The following CHRM5 variants were observed in gnomAD, a reference collection of about 807,000 sequenced individuals.
CHRM5 encodes cholinergic receptor muscarinic 5.
CHRM5 carries 18 observed loss-of-function variants against 39.0 expected under a neutral mutation model. The observed-to-expected ratio is 0.46, with a 90% CI of 0.32 to 0.68. The LOEUF (loss-of-function observed/expected upper bound fraction) is 0.68. Ranked by LOEUF, CHRM5 falls within the 30% of genes least tolerant of loss-of-function variation. CHRM5 has a pLI of 0.04. For missense variants in CHRM5, 515 were observed against 651.1 expected, an observed-to-expected ratio of 0.79 and a Z score of 2.28; for synonymous variants, 241 against 246.3, an observed-to-expected ratio of 0.98 and a Z score of 0.20.
chr15:33,985,138 G>A (rs1196882409), intron 1 of CHRM5, among the ~76,000 whole-genome samples: 2 of 152,016 alleles, frequency 1.3e-5, no homozygotes, highest in African/African-American at 4.8e-5. Context: ...TAACTATGCA[G>A]GGTCTGAGAT....
Position 34,064,486 on chromosome 15 carries a change from C to T in CHRM5, c.*170C>T. 1 of 749,334 alleles carries T rather than the reference C, an allele frequency of 1.3e-6. No homozygotes were observed. The highest frequency in any genetic ancestry group is 2.0e-5 in the South Asian group (1 of 50,680). The allele number at this position is 749,334 out of a possible 1,614,324, so 46.4% of individuals were successfully genotyped here. ...TGCCAAATGGAAGGGGCCATAGCTGCAGCAATTGCTGACATATTAAATGAC... is the reference window on the plus strand; with the variant it reads ...TGCCAAATGGAAGGGGCCATAGCTGTAGCAATTGCTGACATATTAAATGAC... On this transcript the variant is annotated 3_prime_UTR_variant, in exon 3 of 3. Transcript: ENST00000383263.
At chr15:33,999,948 G>A (rs572775357) in intron 1 of CHRM5, among the ~76,000 whole-genome samples, 25 of 152,250 alleles carry the variant, frequency 1.6e-4, no homozygotes, top group African/African-American at 5.5e-4. Context: ...AATACTACGC[G>A]ATCTGGCTGG....
At chr15:34,059,927 C>A (rs1250894932) in intron 2 of CHRM5, among the ~76,000 whole-genome samples, 2 of 152,086 alleles carry the variant, frequency 1.3e-5, no homozygotes, top group African/African-American at 4.8e-5. Flanking sequence ...TCCATGGTAT[C>A]GCCAGCATTA....
intron 2 of CHRM5, among the ~76,000 whole-genome samples, chr15:34,049,108 A>C (rs1277986097): frequency 1.3e-5 from 2 of 152,224 alleles, no homozygotes; most frequent in African/African-American, 4.8e-5. Flanking sequence ...CAGATTCAAC[A>C]CAAAAATGCT....
At chr15:34,032,509 G>C (rs776597860) in intron 1 of CHRM5, among the ~76,000 whole-genome samples, 8 of 152,180 alleles carry the variant, frequency 5.3e-5, no homozygotes, top group Non-Finnish European at 1.2e-4. Context: ...TTCTGCAAAT[G>C]ATGGATAGCC....
intron 2 of CHRM5, among the ~76,000 whole-genome samples, chr15:34,059,495 GC>G (rs1900266152): frequency 6.6e-6 from 1 of 152,162 alleles, no homozygotes; most frequent in South Asian, 2.1e-4. Context: ...TCTGGAAATA[GC>G]TGACACAGCT....
chr15:34,021,827 C>T (rs976686725), intron 1 of CHRM5, among the ~76,000 whole-genome samples: 1 of 152,006 alleles, frequency 6.6e-6, no homozygotes, highest in African/African-American at 2.4e-5. Context: ...TGCACTCCAG[C>T]CTGGGTGGAC....
intron 1 of CHRM5, among the ~76,000 whole-genome samples, chr15:34,032,570 G>C (rs1183459072): frequency 6.6e-6 from 1 of 152,192 alleles, no homozygotes; most frequent in South Asian, 2.1e-4. Context: ...ATCTTACTAA[G>C]AAACAAAGGG....
At chr15:34,042,405 T>G (rs1019482026) in intron 1 of CHRM5, among the ~76,000 whole-genome samples, 2 of 149,614 alleles carry the variant, frequency 1.3e-5, no homozygotes, top group Non-Finnish European at 3.0e-5. Context: ...AGTTTTTTTT[T>G]TTTTTTTTTT....
intron 1 of CHRM5, among the ~76,000 whole-genome samples, chr15:33,990,332 A>C (rs145947987): frequency 5.6e-4 from 85 of 152,142 alleles, no homozygotes; most frequent in Non-Finnish European, 1.1e-3. Context: ...CAGTGAGCCG[A>C]GATCACGCCA....
chr15:34,026,491 A>G (rs546910070), intron 1 of CHRM5, among the ~76,000 whole-genome samples: 2 of 152,316 alleles, frequency 1.3e-5, no homozygotes, highest in Non-Finnish European at 2.9e-5. Context: ...TTGGAATTGA[A>G]GAAATCATAT....
At position 34,019,039 on chromosome 15, in the gene CHRM5, G is replaced by GT. The variant is rs72523303; in HGVS notation, c.-407-27493dup. ...CTAGACACAGAGCGCTGATTGGTGC[G>GT]TTTTTTTTACAGAGTGCTGATTGGT... On this transcript the variant is annotated intron_variant, in intron 1 of 2. Coordinates refer to ENST00000383263, the MANE Select transcript of CHRM5 (RefSeq NM_012125.4). 7.2e-3 allele frequency among the ~76,000 whole-genome samples: 1,086 copies of GT among 151,078 alleles called. 22 individuals are homozygous for GT. The highest frequency in any genetic ancestry group is 0.046 in the Admixed American group (690 of 15,154).
chr15:34,036,141 T>C (rs1899113995), intron 1 of CHRM5, among the ~76,000 whole-genome samples: 7 of 151,908 alleles, frequency 4.6e-5, no homozygotes, highest in Admixed American at 4.6e-4. Flanking sequence ...TCTAGTACAA[T>C]AATGCTTCTA....
At chr15:34,049,443 A>G (rs537920) in intron 2 of CHRM5, among the ~76,000 whole-genome samples, 150,690 of 152,284 alleles carry the variant, frequency 0.99, 74,578 homozygotes, top group Middle Eastern at 1. Flanking sequence ...GACCAGTGGA[A>G]AAAAGAATCG....
chr15:34,038,466 G>C (rs1325702152), intron 1 of CHRM5, among the ~76,000 whole-genome samples: 2 of 152,164 alleles, frequency 1.3e-5, no homozygotes, highest in African/African-American at 2.4e-5. Flanking sequence ...GGGCCGCCGA[G>C]ACTTGCAGCC....
rs536264432 is a variant in CHRM5, at chr15:34,065,450, G to A, written c.*1134G>A. The stretch of plus-strand genomic sequence containing the variant: ...CAGCTGTGCTGCCTCCAAGCAGGGG[G>A]TTGTGGGGTGAGGTGGGGGTAGAAA... On this transcript the variant is annotated 3_prime_UTR_variant, in exon 3 of 3. Transcript: ENST00000383263. 9 of 152,166 alleles carry A rather than the reference G, an allele frequency of 5.9e-5. No individual in the cohort carries two copies. The highest frequency in any genetic ancestry group is 2.2e-4 in the African/African-American group (9 of 41,452). 9.4% of individuals were successfully genotyped at this position (152,166 alleles called of 1,614,324 possible).
intron 1 of CHRM5, among the ~76,000 whole-genome samples, chr15:34,000,292 G>A (rs756892267): frequency 6.6e-5 from 10 of 152,174 alleles, no homozygotes; most frequent in Non-Finnish European, 1.5e-4. Context: ...TGAGACAGGT[G>A]TCTATATCTG....
At position 34,065,808 on chromosome 15, in the gene CHRM5, A is replaced by G. The variant is rs1010035049; in HGVS notation, c.*1492A>G. The stretch of plus-strand genomic sequence containing the variant: ...TACACAGCAAGGATTTTAAAGATGA[A>G]GCACTCCTGTCAGACATTATTTAAC... On this transcript the variant is annotated 3_prime_UTR_variant, in exon 3 of 3. Transcript: ENST00000383263. The G allele has an allele frequency of 6.6e-6, 1 of 152,336 alleles. No homozygotes were observed. Among genetic ancestry groups the G allele is most frequent in the African/African-American group, 2.4e-5 (1 of 41,572 alleles). The allele number at this position is 152,336 out of a possible 1,614,324, so 9.4% of individuals were successfully genotyped here. A position where few individuals can be genotyped will look rare whatever the true frequency, so the allele number is the denominator to read the frequency against.
rs1043868684 is a variant in CHRM5 at position 34,028,104 on chromosome 15, C to T, written c.-407-18436C>T. Among the ~76,000 whole-genome samples the T allele has an allele frequency of 3.3e-5, 5 of 152,078 alleles. No individual in the cohort carries two copies. The East Asian group carries it at 5.8e-4, about 18-fold the overall frequency. On this transcript the variant is annotated intron_variant, in intron 1 of 2. Transcript: ENST00000383263. ...AGCATACCCCACACACAGAGAGACC[C>T]CCCCTCAGCAAAAGCTGGGAGACTT...
Sources: gnomAD v4.1 joint callset for allele counts (sites outside exome capture counted in the v4.1 genomes callset) on GRCh38, gnomAD v4.1.1 for gene constraint, MANE v1.5 for transcripts, NCBI Gene and HGNC (gene_info 2026-07-23, HGNC 2026-07-21) for gene names.